Variants in CORO7 observed in about 807,000 individuals in gnomAD.
CORO7 encodes the protein coronin 7, also known as coronin-7.
In CORO7, 107 loss-of-function variants were observed where a neutral mutation model predicts 126.6. That is an observed-to-expected ratio of 0.85 (90% confidence interval 0.72 to 0.99). The LOEUF (loss-of-function observed/expected upper bound fraction) is 0.99. Among genes scored for constraint, CORO7 ranks in the 50% least tolerant of loss-of-function variants. The pLI, the probability that CORO7 is intolerant of heterozygous loss-of-function variation, is 0.00. For synonymous variants in CORO7, 603 were observed against 536.8 expected (o/e 1.12, Z -1.70); for missense variants, 1,314 against 1,255.8 (o/e 1.05, Z -0.70).
rs973243386 is a variant in CORO7, at chr16:4,416,579, C to G, written c.-61G>C. The stretch of plus-strand genomic sequence containing the variant: ...CCCCGGGCGTCGGGTCTCAGGTGCA[C>G]GCTGAGCAACCGCGACTCCCGCTGC... On this transcript the variant is annotated 5_prime_UTR_variant, in exon 1 of 28. Coordinates refer to ENST00000251166, the MANE Select transcript of CORO7 (RefSeq NM_024535.5). The G allele has an allele frequency of 6.4e-7, 1 of 1,551,592 alleles. No homozygotes were observed.
At chr16:4,392,787 CG>C (rs1167190430) in intron 7 of CORO7, among the ~76,000 whole-genome samples, 2 of 152,226 alleles carry the variant, frequency 1.3e-5, no homozygotes, top group African/African-American at 4.8e-5. Context: ...ATGCCCTGGG[CG>C]GAAGTGGGGG....
chr16:4,415,686 A>G (rs1251063477), intron 1 of CORO7: 16 of 984,728 alleles, frequency 1.6e-5, no homozygotes, highest in Non-Finnish European at 1.8e-5. Context: ...TCCTAGGCCC[A>G]GTTATCGGAG....
intron 9 of CORO7, chr16:4,382,125 T>G (rs1315054344): frequency 1.9e-6 from 3 of 1,588,726 alleles, no homozygotes; most frequent in Non-Finnish European, 1.7e-6. Context: ...CCTGCCTCAA[T>G]GGGGGCACAT....
chr16:4,415,437 TC>T (rs750711385), intron 1 of CORO7, among the ~76,000 whole-genome samples: 1 of 152,146 alleles, frequency 6.6e-6, no homozygotes, highest in Non-Finnish European at 1.5e-5. Context: ...TCATGTGTGT[TC>T]TTCAATGTCG....
At chr16:4,376,528 C>T (rs1161896551) in intron 9 of CORO7, among the ~76,000 whole-genome samples, 1 of 152,178 alleles carries the variant, frequency 6.6e-6, no homozygotes, top group Non-Finnish European at 1.5e-5. Context: ...CCCTACTCAG[C>T]AGGCACACCG....
intron 9 of CORO7, among the ~76,000 whole-genome samples, chr16:4,367,700 C>T (rs535331594): frequency 6.6e-6 from 1 of 152,118 alleles, no homozygotes; most frequent in Non-Finnish European, 1.5e-5. Context: ...ACAACCTGTG[C>T]AAAGGTCCTG....
At chr16:4,416,368 C>T in intron 1 of CORO7, 91 bp downstream of exon 1, 1 of 1,422,182 alleles carries the variant, frequency 7.0e-7, no homozygotes, top group Non-Finnish European at 9.1e-7. Flanking sequence ...TCCAGACGGC[C>T]CTGGAGGGCA....
In CORO7 at chr16:4,361,057, G is replaced by C. The variant is rs377383585; in HGVS notation, c.1803C>G (p.Arg601=). The C allele has an allele frequency of 1.7e-5, 28 of 1,613,336 alleles. No individual in the cohort carries two copies. In the African/African-American group the frequency reaches 3.1e-4, roughly 18 times the overall value. ...GCACATTGGCTGCCAGTGGGTGGAA[G>C]CGCAGGGAGCAGATCTTCTCCGTGT... ...TGHTEKICSL[R]FHPLAANVLA... The change falls in exon 19 of 28, where the codon CGC becomes CGG. Residue 601 remains arginine, a synonymous_variant. Coordinates refer to ENST00000251166, the MANE Select transcript of CORO7 (RefSeq NM_024535.5).
intron 9 of CORO7, chr16:4,381,346 G>T: frequency 6.2e-7 from 1 of 1,606,034 alleles, no homozygotes. Context: ...CAAGCTGCAG[G>T]ACAACGAGCT....
chr16:4,413,556 G>T (rs1471420891), intron 1 of CORO7, 152 bp from the exon 2 acceptor site: 31 of 680,844 alleles, frequency 4.6e-5, no homozygotes, highest in African/African-American at 4.5e-4. Context: ...TTTTCTTTTT[G>T]AGACAGGGTC....
At chr16:4,389,062 G>A (rs529147225) in intron 7 of CORO7, among the ~76,000 whole-genome samples, 53 of 152,308 alleles carry the variant, frequency 3.5e-4, no homozygotes, top group Non-Finnish European at 1.5e-4. Context: ...CTCACGATGC[G>A]GTGCCACCCG....
At chr16:4,408,878 G>A (rs923414162) in intron 3 of CORO7, among the ~76,000 whole-genome samples, 3 of 152,176 alleles carry the variant, frequency 2.0e-5, no homozygotes, top group African/African-American at 7.2e-5. Context: ...CAGGAGAATT[G>A]CTTGAACTCA....
chr16:4,361,740 A>C, intron 16 of CORO7: 1 of 806,330 alleles, frequency 1.2e-6, no homozygotes, highest in Admixed American at 2.0e-5. Context: ...TCCCAGCTCC[A>C]CCACTTACAC....
At chr16:4,398,580 T>C (rs777461412) in intron 6 of CORO7, among the ~76,000 whole-genome samples, 2 of 148,950 alleles carry the variant, frequency 1.3e-5, no homozygotes, top group South Asian at 4.3e-4. Context: ...GAAGGAGAAT[T>C]GCTTGAACTC....
chr16:4,398,370 T>C (rs572988454), intron 6 of CORO7, among the ~76,000 whole-genome samples: 3 of 152,216 alleles, frequency 2.0e-5, no homozygotes, highest in African/African-American at 4.8e-5. Flanking sequence ...TTTTTAAAAA[T>C]AGCAAGTATC....
chr16:4,410,819 G>A (rs1245640719), intron 3 of CORO7, among the ~76,000 whole-genome samples: 4 of 152,208 alleles, frequency 2.6e-5, no homozygotes, highest in African/African-American at 9.6e-5. Context: ...CTCTGCAGTT[G>A]TTGCAAGAAA....
At chr16:4,358,655 T>G (rs1596268421) in intron 23 of CORO7, among the ~76,000 whole-genome samples, 172 bp from the exon 24 acceptor site, 2 of 152,244 alleles carry the variant, frequency 1.3e-5, no homozygotes, top group Admixed American at 1.3e-4. Flanking sequence ...GGGAAAGCCC[T>G]GATTTGTGGT....
At chr16:4,357,353 TTC>T (rs1567240825) in intron 25 of CORO7, 94 bp from the exon 26 acceptor site, 27 of 1,047,760 alleles carry the variant, frequency 2.6e-5, no homozygotes, top group African/African-American at 3.3e-5. Flanking sequence ...TTTTCTTTCT[TTC>T]TTTTTTTTTT....
At chr16:4,381,495 G>A (rs777494460) in intron 9 of CORO7, 1 of 1,589,788 alleles carries the variant, frequency 6.3e-7, no homozygotes, top group East Asian at 2.3e-5. Flanking sequence ...GGCTGCAGCA[G>A]CTGGACGAGG....
Sources: gnomAD v4.1 joint callset for allele counts (sites outside exome capture counted in the v4.1 genomes callset) on GRCh38, gnomAD v4.1.1 for gene constraint, MANE v1.5 for transcripts, NCBI Gene and HGNC (gene_info 2026-07-23, HGNC 2026-07-21) for gene names.